The following MAP3K4 variants were observed in gnomAD, a reference collection of about 807,000 sequenced individuals.
MAP3K4 encodes the protein mitogen-activated protein kinase kinase kinase 4.
MAP3K4 carries 67 observed loss-of-function variants against 185.6 expected under a neutral mutation model. That is an observed-to-expected ratio of 0.36 (90% confidence interval 0.30 to 0.44). The LOEUF is 0.44. Among genes scored for constraint, MAP3K4 ranks in the 20% least tolerant of loss-of-function variants. The probability of loss-of-function intolerance (pLI) is 1.00; values close to 1 mark genes in which losing one functional copy is unlikely to be tolerated. For synonymous variants in MAP3K4, 702 were observed against 710.4 expected (o/e 0.99, Z 0.19); for missense variants, 1,551 against 1,995.1 (o/e 0.78, Z 4.24).
At chr6:161,005,013 A>T (rs1457911888) in intron 1 of MAP3K4, among the ~76,000 whole-genome samples, 1 of 152,214 alleles carries the variant, frequency 6.6e-6, no homozygotes, top group Non-Finnish European at 1.5e-5. Context: ...AACCTTATTT[A>T]AAACCACCAA....
At chr6:161,081,108 C>G in intron 6 of MAP3K4, 70 bp downstream of exon 6, 2 of 1,501,624 alleles carry the variant, frequency 1.3e-6, no homozygotes, top group Admixed American at 3.7e-5. Flanking sequence ...CTCACTGATT[C>G]TCTCCTATGT....
chr6:161,112,802 G>A lies in MAP3K4; in HGVS notation c.4626+28G>A. 1.3e-6 allele frequency: 2 copies of A among 1,500,740 alleles called. No homozygotes were observed. Among genetic ancestry groups the A allele is most frequent in the Admixed American group, 2.2e-5 (1 of 45,980 alleles). The allele number at this position is 1,500,740 out of a possible 1,614,324, so 93.0% of individuals were successfully genotyped here. A position where few individuals can be genotyped will look rare whatever the true frequency, so the allele number is the denominator to read the frequency against. On this transcript the variant is annotated intron_variant, in intron 25 of 26. Transcript: ENST00000392142. This position sits in a 1 kb window ranked among gnomAD's most constrained non-coding sequence, Gnocchi z 5.1. ...AAGCGGAGCCCCCACACCTGGCGGAGCAACTTCAGAAGGGCACTGTGCATT... is the reference window on the plus strand; with the variant it reads ...AAGCGGAGCCCCCACACCTGGCGGAACAACTTCAGAAGGGCACTGTGCATT...
At chr6:161,015,612 A>G (rs1782059626) in intron 1 of MAP3K4, among the ~76,000 whole-genome samples, 1 of 152,166 alleles carries the variant, frequency 6.6e-6, no homozygotes, top group Non-Finnish European at 1.5e-5. Flanking sequence ...TGAGGGCCTC[A>G]GGAAGCTTCC....
chr6:160,992,277 C>A (rs920880587), intron 1 of MAP3K4, 194 bp downstream of exon 1: 1 of 712,088 alleles, frequency 1.4e-6, no homozygotes, highest in Admixed American at 3.9e-5. Flanking sequence ...GGCGACTCCT[C>A]CCGGGGTTGC....
rs1778107342 is a variant in MAP3K4, at chr6:161,107,043, CG to C, written c.4048+339del. Among the ~76,000 whole-genome samples the C allele has an allele frequency of 6.3e-5, 2 of 31,696 alleles. No individual in the cohort carries two copies. The highest frequency in any genetic ancestry group is 1.8e-4 in the Non-Finnish European group (2 of 11,386). The allele number at this position is 31,696 out of a possible 152,430, so 20.8% of individuals were successfully genotyped here. On this transcript the variant is annotated intron_variant, in intron 20 of 26. Coordinates refer to ENST00000392142, the MANE Select transcript of MAP3K4 (RefSeq NM_005922.4). This position sits in a 1 kb window ranked among gnomAD's most constrained non-coding sequence, Gnocchi z 6.2. ...TAGTTTCTCTCTCTCTCTCTACACA[CG>C]CGCGCGCACACACACACACACACAC...
Position 161,034,549 on chromosome 6 carries a change from T to C in MAP3K4, c.343+100T>C. On this transcript the variant is annotated intron_variant, in intron 2 of 26. Coordinates refer to ENST00000392142, the MANE Select transcript of MAP3K4 (RefSeq NM_005922.4). The surrounding 1 kb of genome is among the most constrained non-coding windows in gnomAD (Gnocchi z 4.4). Reference sequence around the variant, plus strand: ...GCAATTTCTTTTATTTTTAATTTGATTTTAATGCTCCTGTAAAGTTCAATT... The same window carrying C: ...GCAATTTCTTTTATTTTTAATTTGACTTTAATGCTCCTGTAAAGTTCAATT... The C allele has an allele frequency of 2.0e-6, 2 of 998,436 alleles. No homozygotes were observed. The highest frequency in any genetic ancestry group is 2.8e-6 in the Non-Finnish European group (2 of 707,752). 61.8% of individuals were successfully genotyped at this position (998,436 alleles called of 1,614,324 possible). A position where few individuals can be genotyped will look rare whatever the true frequency, so the allele number is the denominator to read the frequency against.
At chr6:161,033,036 G>C (rs1783003845) in intron 1 of MAP3K4, among the ~76,000 whole-genome samples, 1 of 152,080 alleles carries the variant, frequency 6.6e-6, no homozygotes, top group African/African-American at 2.4e-5. Context: ...TTTTTCAAAA[G>C]GTAATTTATT....
intron 23 of MAP3K4, among the ~76,000 whole-genome samples, chr6:161,111,328 G>A (rs545333080): frequency 1.1e-4 from 17 of 152,336 alleles, no homozygotes; most frequent in African/African-American, 4.1e-4. Flanking sequence ...TAGACTACAA[G>A]TTAAGCATAT....
In MAP3K4 at chr6:161,086,786, C is replaced by A; in HGVS notation, c.2556+119C>A. Reference sequence around the variant, plus strand: ...ATTACAGGCTCTGAAGGCTGTACCACAACCCCAGTTGTAAGACTGTCCTGT... The same window carrying A: ...ATTACAGGCTCTGAAGGCTGTACCAAAACCCCAGTTGTAAGACTGTCCTGT... On this transcript the variant is annotated intron_variant, in intron 9 of 26. Coordinates refer to ENST00000392142, the MANE Select transcript of MAP3K4 (RefSeq NM_005922.4). This position sits in a 1 kb window ranked among gnomAD's most constrained non-coding sequence, Gnocchi z 4.8. 1.4e-6 allele frequency: 1 copy of A among 706,338 alleles called. No homozygotes were observed. The highest frequency in any genetic ancestry group is 2.4e-6 in the Non-Finnish European group (1 of 424,500). 43.8% of individuals were successfully genotyped at this position (706,338 alleles called of 1,614,324 possible).
At chr6:161,031,051 AT>A (rs1484153100) in intron 1 of MAP3K4, among the ~76,000 whole-genome samples, 7 of 152,140 alleles carry the variant, frequency 4.6e-5, no homozygotes, top group Admixed American at 2.0e-4. Flanking sequence ...TTATTTTAAT[AT>A]TTTGTTTATG....
rs1167811446 is a variant in MAP3K4, at chr6:161,034,333, A to G, written c.227A>G (p.Asn76Ser). 1 of 1,613,996 alleles carries G rather than the reference A, an allele frequency of 6.2e-7. No individual in the cohort carries two copies. The highest frequency in any genetic ancestry group is 8.5e-7 in the Non-Finnish European group (1 of 1,179,888). ...SDLEDFSDETNTENLYGTSPP... is the reference protein window; with the variant it reads ...SDLEDFSDETSTENLYGTSPP... The stretch of plus-strand genomic sequence containing the variant: ...CTAGAAGACTTCTCCGATGAAACAA[A>G]TACAGAGAATCTTTATGGTACCTCT... Residue 76 changes from asparagine (N) to serine (S), a missense_variant, in exon 2 of 27, where the codon AAT becomes AGT. Asn to Ser is a conservative substitution (Grantham distance 46). Around this residue, in one of 16 missense-constraint regions of MAP3K4, gnomAD observed 287 missense variants for 268.8 expected, o/e 1.07. Transcript: ENST00000392142. The surrounding 1 kb of genome is among the most constrained non-coding windows in gnomAD (Gnocchi z 4.4).
chr6:161,069,644 C>G (rs533158909), intron 3 of MAP3K4, among the ~76,000 whole-genome samples: 3 of 152,284 alleles, frequency 2.0e-5, no homozygotes, highest in Admixed American at 6.5e-5. Flanking sequence ...CAATTACTGT[C>G]TGCTGTAATC....
At chr6:161,014,066 C>T (rs1246357375) in intron 1 of MAP3K4, among the ~76,000 whole-genome samples, 3 of 152,212 alleles carry the variant, frequency 2.0e-5, no homozygotes, top group African/African-American at 7.2e-5. Flanking sequence ...TTGTATATCA[C>T]ATAGTAGGCA....
In MAP3K4 at chr6:161,093,955, A is replaced by G; in HGVS notation, c.3427+104A>G. On this transcript the variant is annotated intron_variant, in intron 15 of 26. Transcript: ENST00000392142. This position sits in a 1 kb window ranked among gnomAD's most constrained non-coding sequence, Gnocchi z 5.2. ...AAAATGGTATAAGAGGTGTTTTAACAGTATTCAGGAAAACGACAATGAGAG... is the reference window on the plus strand; with the variant it reads ...AAAATGGTATAAGAGGTGTTTTAACGGTATTCAGGAAAACGACAATGAGAG... 4 of 830,218 alleles carry G rather than the reference A, an allele frequency of 4.8e-6. No individual in the cohort carries two copies. The highest frequency in any genetic ancestry group is 1.7e-5 in the South Asian group (1 of 60,326). 51.4% of individuals were successfully genotyped at this position (830,218 alleles called of 1,614,324 possible).
chr6:160,994,150 A>G (rs978231473), intron 1 of MAP3K4, among the ~76,000 whole-genome samples: 3 of 136,546 alleles, frequency 2.2e-5, no homozygotes, highest in Middle Eastern at 3.4e-3. Flanking sequence ...TTTCTTTTTT[A>G]TTTTATTTTC....
At position 161,116,790 on chromosome 6, in the gene MAP3K4, C is replaced by T. The variant is rs538584916; in HGVS notation, c.4807-60C>T. The T allele has an allele frequency of 4.0e-6, 6 of 1,500,826 alleles. No homozygotes were observed. Among genetic ancestry groups the T allele is most frequent in the Admixed American group, 1.7e-5 (1 of 59,750 alleles). The allele number at this position is 1,500,826 out of a possible 1,614,324, so 93.0% of individuals were successfully genotyped here. On this transcript the variant is annotated intron_variant, in intron 26 of 26. Coordinates refer to ENST00000392142, the MANE Select transcript of MAP3K4 (RefSeq NM_005922.4). This position sits in a 1 kb window ranked among gnomAD's most constrained non-coding sequence, Gnocchi z 6.2. ...CCTTCCCCGTAAGACTCATACTGCGCGTATGCACAAGCACACACCTGGCTC... is the reference window on the plus strand; with the variant it reads ...CCTTCCCCGTAAGACTCATACTGCGTGTATGCACAAGCACACACCTGGCTC...
Position 161,074,746 on chromosome 6 carries a change from G to T in MAP3K4, c.2097+1134G>T, listed in dbSNP as rs968480444. ...ATAAAACTGTATCGTTGTAGGTGGG[G>T]TGCATTCATTCTTGCTTAACATGTA... On this transcript the variant is annotated intron_variant, in intron 5 of 26. Coordinates refer to ENST00000392142, the MANE Select transcript of MAP3K4 (RefSeq NM_005922.4). This position sits in a 1 kb window ranked among gnomAD's most constrained non-coding sequence, Gnocchi z 5.0. Among the ~76,000 whole-genome samples, 1 of 152,216 alleles carries T rather than the reference G, an allele frequency of 6.6e-6. No individual in the cohort carries two copies. The highest frequency in any genetic ancestry group is 2.1e-4 in the South Asian group (1 of 4,828).
rs142529983 is a variant in MAP3K4, at chr6:161,103,512, G to A, written c.3856+733G>A. On this transcript the variant is annotated intron_variant, in intron 19 of 26. Coordinates refer to ENST00000392142, the MANE Select transcript of MAP3K4 (RefSeq NM_005922.4). This position sits in a 1 kb window ranked among gnomAD's most constrained non-coding sequence, Gnocchi z 4.6. Reference sequence around the variant, plus strand: ...GCAGCAAGCCAGGAGGCAAGGAATAGAAGGAAGTGTGCACCCAGAGGCCTC... The same window carrying A: ...GCAGCAAGCCAGGAGGCAAGGAATAAAAGGAAGTGTGCACCCAGAGGCCTC... Among the ~76,000 whole-genome samples, 1,093 of 152,342 alleles carry A rather than the reference G, an allele frequency of 7.2e-3. 7 individuals are homozygous for A. The highest frequency in any genetic ancestry group is 0.017 in the Middle Eastern group (5 of 294).
In MAP3K4 at chr6:161,106,632, T is replaced by C. The variant is rs777012160; in HGVS notation, c.3975T>C (p.Pro1325=). Residue 1325 remains proline (P), a synonymous_variant, in exon 20 of 27, where the codon CCT becomes CCC. Transcript: ENST00000392142. This position sits in a 1 kb window ranked among gnomAD's most constrained non-coding sequence, Gnocchi z 4.9. ...KNIIGQVCDT[P]KSYDNVMHVG... is the part of the protein sequence containing the mutation. ...TCATTGGTCAAGTTTGTGATACGCC[T>C]AAGTCCTATGATAATGTTATGCACG... 3.7e-6 allele frequency: 6 copies of C among 1,614,060 alleles called. No homozygotes were observed. Among genetic ancestry groups the C allele is most frequent in the African/African-American group, 1.3e-5 (1 of 75,054 alleles).
Sources: allele counts gnomAD v4.1 joint callset (sites outside exome capture counted in the v4.1 genomes callset), GRCh38; gene constraint gnomAD v4.1.1; regional missense constraint gnomAD v4.1.1; non-coding constraint Gnocchi (gnomAD v3.1); transcripts MANE v1.5; gene names NCBI Gene and HGNC (gene_info 2026-07-23, HGNC 2026-07-21).